Variants in DLGAP1 observed in about 807,000 individuals in gnomAD.
DLGAP1 encodes DLG associated protein 1, also known as disks large-associated protein 1.
Under a neutral mutation model 90.8 loss-of-function variants are expected in DLGAP1, and 11 were observed. The ratio of observed to expected loss-of-function variants is 0.12; its 90% CI spans 0.08 to 0.20. The LOEUF (loss-of-function observed/expected upper bound fraction) is 0.20. DLGAP1 is among the 10% of genes least tolerant of loss of function. The pLI, the probability that DLGAP1 is intolerant of heterozygous loss-of-function variation, is 1.00. For synonymous variants in DLGAP1, 558 were observed against 540.7 expected, an observed-to-expected ratio of 1.03 and a Z score of -0.44; for missense variants, 1,050 against 1,333.8, an observed-to-expected ratio of 0.79 and a Z score of 3.31.
intron 1 of DLGAP1, among the ~76,000 whole-genome samples, chr18:4,358,315 T>A (rs2081565513): frequency 6.6e-6 from 1 of 152,226 alleles, no homozygotes; most frequent in Non-Finnish European, 1.5e-5. Flanking sequence ...ATCATGTTAT[T>A]ACGCTGTGGT....
At chr18:3,954,965 A>C (rs931864835) in intron 3 of DLGAP1, among the ~76,000 whole-genome samples, 2 of 152,170 alleles carry the variant, frequency 1.3e-5, no homozygotes, top group Non-Finnish European at 2.9e-5. Context: ...AAGGAGATAA[A>C]GGCAGCTGGA....
chr18:3,583,191 T>TTCCC (rs2055661910), intron 7 of DLGAP1, among the ~76,000 whole-genome samples: 1 of 147,270 alleles, frequency 6.8e-6, no homozygotes, highest in Non-Finnish European at 1.5e-5. Context: ...CCTACCTTCC[T>TTCCC]TCCTTCCTTC....
intron 3 of DLGAP1, among the ~76,000 whole-genome samples, chr18:3,887,499 A>G (rs2071346995): frequency 6.6e-6 from 1 of 152,234 alleles, no homozygotes; most frequent in Non-Finnish European, 1.5e-5. Flanking sequence ...AGAGCAGTTT[A>G]TGAGAGAAGA....
At chr18:4,250,876 A>G (rs1189533459) in intron 1 of DLGAP1, among the ~76,000 whole-genome samples, 1 of 152,194 alleles carries the variant, frequency 6.6e-6, no homozygotes, top group Non-Finnish European at 1.5e-5. Flanking sequence ...GTATGAATTT[A>G]GGAAGAATAT....
At position 3,600,775 on chromosome 18, in the gene DLGAP1, G is replaced by GATAT. The variant is rs74173792; in HGVS notation, c.1592-18531_1592-18528dup. Among the ~76,000 whole-genome samples the GATAT allele has an allele frequency of 1.8e-4, 2 of 11,106 alleles. 1 individual carries two copies. Among genetic ancestry groups the GATAT allele is most frequent in the Non-Finnish European group, 5.7e-4 (2 of 3,536 alleles). The allele number at this position is 11,106 out of a possible 152,430, so 7.3% of individuals were successfully genotyped here. A position where few individuals can be genotyped will look rare whatever the true frequency, so the allele number is the denominator to read the frequency against. On this transcript the variant is annotated intron_variant, in intron 7 of 12. Transcript: ENST00000315677. ...ATATATAGATATATAGATATATATA[G>GATAT]ATATATAGATATATATAGATATATA...
At chr18:3,978,103 T>C (rs1411683880) in intron 3 of DLGAP1, 4 of 430,870 alleles carry the variant, frequency 9.3e-6, no homozygotes, top group East Asian at 6.9e-5. Flanking sequence ...GCGTGGACCA[T>C]GGCCATGAGT....
chr18:3,527,920 GACAT>G (rs2051752940), intron 10 of DLGAP1, among the ~76,000 whole-genome samples: 1 of 152,118 alleles, frequency 6.6e-6, no homozygotes, highest in Non-Finnish European at 1.5e-5. Flanking sequence ...TGATAAAATA[GACAT>G]AAGATTTGCC....
chr18:3,955,714 C>CAA (rs1201869271), intron 3 of DLGAP1, among the ~76,000 whole-genome samples: 1 of 123,724 alleles, frequency 8.1e-6, no homozygotes, highest in Non-Finnish European at 1.7e-5. Context: ...AACTCCGTCT[C>CAA]AAAAAAAAAA....
At chr18:4,120,774 TTCTC>T (rs1309695182) in intron 2 of DLGAP1, among the ~76,000 whole-genome samples, 1 of 150,208 alleles carries the variant, frequency 6.7e-6, no homozygotes, top group African/African-American at 2.4e-5. Context: ...CCCTTTCTCT[TTCTC>T]TCTCTCCCTC....
intron 3 of DLGAP1, among the ~76,000 whole-genome samples, chr18:3,889,053 C>G (rs994857): frequency 0.31 from 46,330 of 151,692 alleles, 7,264 homozygotes; most frequent in South Asian, 0.42. Context: ...CTGTCTTATG[C>G]GGGTACAATT....
chr18:4,251,716 G>T (rs1033030372), intron 1 of DLGAP1, among the ~76,000 whole-genome samples: 1 of 152,094 alleles, frequency 6.6e-6, no homozygotes, highest in East Asian at 1.9e-4. Flanking sequence ...AGAAGCAGGG[G>T]GTGGTTCCTG....
At position 3,794,600 on chromosome 18, in the gene DLGAP1, T is replaced by C. The variant is rs139531309; in HGVS notation, c.1172+19459A>G. ...AGAGAGCTTCTCACACTCGGGGCTT[T>C]TGTGTGGGACAGGAAAGGCTGACAT... On this transcript the variant is annotated intron_variant, in intron 5 of 12. Coordinates refer to ENST00000315677, the MANE Select transcript of DLGAP1 (RefSeq NM_004746.4). 8.5e-5 allele frequency among the ~76,000 whole-genome samples: 13 copies of C among 152,292 alleles called. No homozygotes were observed. In the East Asian group the frequency reaches 2.5e-3, roughly 29 times the overall value.
At chr18:3,837,520 C>T (rs2068456697) in intron 4 of DLGAP1, among the ~76,000 whole-genome samples, 1 of 152,114 alleles carries the variant, frequency 6.6e-6, no homozygotes, top group Non-Finnish European at 1.5e-5. Flanking sequence ...TTGATAATTT[C>T]ACTTTGAGAA....
intron 1 of DLGAP1, among the ~76,000 whole-genome samples, chr18:4,182,185 C>T (rs1483443802): frequency 6.6e-6 from 1 of 152,102 alleles, no homozygotes; most frequent in Non-Finnish European, 1.5e-5. Flanking sequence ...ATACGCTACA[C>T]CCAAATGTGC....
chr18:4,152,203 T>G (rs192198380), intron 1 of DLGAP1, among the ~76,000 whole-genome samples: 223 of 152,346 alleles, frequency 1.5e-3, no homozygotes, highest in African/African-American at 4.3e-3. Flanking sequence ...TCTATTTTTT[T>G]GTAAGCAATG....
intron 11 of DLGAP1, among the ~76,000 whole-genome samples, chr18:3,503,653 C>T (rs626244): frequency 3.2e-4 from 49 of 152,254 alleles, no homozygotes; most frequent in Non-Finnish European, 5.6e-4. Context: ...TATGATAACA[C>T]GAGGCCAGTG....
intron 7 of DLGAP1, chr18:3,593,703 A>T (rs2056410822): frequency 6.6e-6 from 1 of 152,142 alleles, no homozygotes; most frequent in Non-Finnish European, 1.5e-5. Context: ...ACGCCAGACA[A>T]ATGCCCCAAG....
chr18:4,089,780 T>C (rs959031112), intron 2 of DLGAP1, among the ~76,000 whole-genome samples: 54 of 152,212 alleles, frequency 3.5e-4, no homozygotes, highest in East Asian at 1.9e-4. Context: ...GCACGGTGGC[T>C]CACGCCTGTA....
chr18:3,564,570 G>A (rs991915644), intron 9 of DLGAP1, among the ~76,000 whole-genome samples: 1 of 152,182 alleles, frequency 6.6e-6, no homozygotes, highest in African/African-American at 2.4e-5. Flanking sequence ...GGAAGCACAA[G>A]GAGATTTTTT....
Sources: allele counts gnomAD v4.1 joint callset (sites outside exome capture counted in the v4.1 genomes callset), GRCh38; gene constraint gnomAD v4.1.1; transcripts MANE v1.5; gene names NCBI Gene and HGNC (gene_info 2026-07-23, HGNC 2026-07-21).